Variants in CGRRF1 observed in about 807,000 individuals in gnomAD.
CGRRF1 encodes the protein cell growth regulator with ring finger domain 1, also known as cell growth regulator with RING finger domain protein 1.
Under a neutral mutation model 37.2 loss-of-function variants are expected in CGRRF1, and 32 were observed. The observed-to-expected ratio is 0.86, with a 90% CI of 0.65 to 1.16. The LOEUF is 1.16. Among genes scored for constraint, CGRRF1 ranks in the 50% most tolerant of loss-of-function variants. The probability of loss-of-function intolerance (pLI) is 0.00; values close to 1 mark genes in which losing one functional copy is unlikely to be tolerated. For missense variants in CGRRF1, 391 were observed against 382.6 expected (o/e 1.02, Z -0.18); for synonymous variants, 141 against 140.3 (o/e 1.00, Z -0.04).
chr14:54,529,400 A>G lies in CGRRF1; in HGVS notation c.245-649A>G, dbSNP rs1223379617. Among the ~76,000 whole-genome samples the G allele has an allele frequency of 3.9e-5, 6 of 152,234 alleles. 1 individual carries two copies. The highest frequency in any genetic ancestry group is 1.3e-4 in the Admixed American group (2 of 15,288). On this transcript the variant is annotated intron_variant, in intron 2 of 5. Transcript: ENST00000216420. ...TTTAATCAGGTCTACTCAAATTGTT[A>G]TATCTTCTTAAGTTGAAAGTGAACA...
At chr14:54,517,172 G>A (rs1036826274) in intron 1 of CGRRF1, among the ~76,000 whole-genome samples, 2 of 152,098 alleles carry the variant, frequency 1.3e-5, no homozygotes, top group Non-Finnish European at 2.9e-5. Context: ...CTCATTGTGG[G>A]TACTGTTTTC....
rs1216008176 is a variant in CGRRF1 at position 54,522,572 on chromosome 14, C to A, written c.223C>A (p.Pro75Thr). 1 of 1,580,870 alleles carries A rather than the reference C, an allele frequency of 6.3e-7. No individual in the cohort carries two copies. The highest frequency in any genetic ancestry group is 1.2e-5 in the South Asian group (1 of 84,200). ...KNPFGLEITN[P>T]SSASITTGIT... ...TCCTTTTGGCTTAGAGATCACTAATCCATCTTCAGCTTCAATTACAAGTTG... is the reference window on the plus strand; with the variant it reads ...TCCTTTTGGCTTAGAGATCACTAATACATCTTCAGCTTCAATTACAAGTTG... The change falls in exon 2 of 6, where the codon CCA becomes ACA. Residue 75 changes from proline (P) to threonine (T), a missense_variant. Transcript: ENST00000216420.
intron 1 of CGRRF1, among the ~76,000 whole-genome samples, chr14:54,512,768 T>G (rs1171525575): frequency 6.6e-6 from 1 of 152,236 alleles, no homozygotes; most frequent in Non-Finnish European, 1.5e-5. Context: ...GCTTTCCTAC[T>G]CTGCTAGAAT....
At chr14:54,510,185 C>A in intron 1 of CGRRF1, 122 bp downstream of exon 1, 2 of 702,722 alleles carry the variant, frequency 2.8e-6, no homozygotes, top group Non-Finnish European at 2.5e-6. Flanking sequence ...TTCGGTGTCC[C>A]CGGGTGCCTA....
At chr14:54,526,707 T>C (rs959933556) in intron 2 of CGRRF1, among the ~76,000 whole-genome samples, 5 of 152,242 alleles carry the variant, frequency 3.3e-5, no homozygotes, top group Non-Finnish European at 7.3e-5. Flanking sequence ...AGCTTCCTTA[T>C]ATTTTAGCTT....
intron 1 of CGRRF1, among the ~76,000 whole-genome samples, chr14:54,515,664 T>TTACCA (rs2032203394): frequency 6.6e-6 from 1 of 152,254 alleles, no homozygotes; most frequent in Non-Finnish European, 1.5e-5. Context: ...CACTATGAAA[T>TTACCA]GGACCTCTTT....
At chr14:54,525,698 AT>A (rs1373957977) in intron 2 of CGRRF1, among the ~76,000 whole-genome samples, 1 of 152,200 alleles carries the variant, frequency 6.6e-6, no homozygotes, top group Non-Finnish European at 1.5e-5. Context: ...AAGTTATTTC[AT>A]TTGATGTGTA....
chr14:54,519,667 G>A (rs1465853809), intron 1 of CGRRF1, among the ~76,000 whole-genome samples: 3 of 152,174 alleles, frequency 2.0e-5, no homozygotes, highest in Non-Finnish European at 4.4e-5. Flanking sequence ...GCCTATGCTG[G>A]TCTCCTTAGT....
chr14:54,530,034 CT>C lies in CGRRF1; in HGVS notation c.245-12del, dbSNP rs550567827. ...CATTAAATCACTTTCATTCTTTCTCCTTTGTTTTTTACAGCTGGCATAACCT... is the reference window on the plus strand; with the variant it reads ...CATTAAATCACTTTCATTCTTTCTCCTTGTTTTTTACAGCTGGCATAACCT... On this transcript the variant is annotated splice_polypyrimidine_tract_variant and intron_variant, in intron 2 of 5. Coordinates refer to ENST00000216420, the MANE Select transcript of CGRRF1 (RefSeq NM_006568.3). The C allele has an allele frequency of 3.7e-4, 589 of 1,592,476 alleles. 6 individuals are homozygous for C. The African/African-American group carries it at 6.6e-3, about 18-fold the overall frequency.
intron 1 of CGRRF1, among the ~76,000 whole-genome samples, chr14:54,510,645 T>C (rs1468455247): frequency 6.6e-6 from 1 of 152,226 alleles, no homozygotes; most frequent in East Asian, 1.9e-4. Context: ...ATCATAATTT[T>C]AGAGCTGGAA....
At chr14:54,525,534 A>G (rs1450174531) in intron 2 of CGRRF1, among the ~76,000 whole-genome samples, 2 of 152,236 alleles carry the variant, frequency 1.3e-5, no homozygotes, top group Non-Finnish European at 2.9e-5. Flanking sequence ...ATCATTTATT[A>G]TCTTTCTCCT....
chr14:54,535,185 TTA>T (rs1746655674), intron 4 of CGRRF1, among the ~76,000 whole-genome samples: 1 of 152,208 alleles, frequency 6.6e-6, no homozygotes, highest in Non-Finnish European at 1.5e-5. Context: ...GTCATCTGCT[TTA>T]TAAATTTAAC....
chr14:54,515,910 T>C (rs940884394), intron 1 of CGRRF1, among the ~76,000 whole-genome samples: 4 of 152,214 alleles, frequency 2.6e-5, no homozygotes, highest in African/African-American at 4.8e-5. Context: ...AACATTTACA[T>C]TTAATGTGAT....
At chr14:54,512,279 A>G (rs774079765) in intron 1 of CGRRF1, among the ~76,000 whole-genome samples, 1 of 152,162 alleles carries the variant, frequency 6.6e-6, no homozygotes, top group Non-Finnish European at 1.5e-5. Flanking sequence ...GTGGGAGTGG[A>G]GAAAAAACAG....
intron 4 of CGRRF1, among the ~76,000 whole-genome samples, chr14:54,535,819 C>T (rs996789730): frequency 6.6e-6 from 1 of 152,150 alleles, no homozygotes; most frequent in Non-Finnish European, 1.5e-5. Context: ...GACTTCCTGT[C>T]TCTCCCATTT....
In CGRRF1 at chr14:54,538,238, T is replaced by G. The variant is rs769259436; in HGVS notation, c.854T>G (p.Val285Gly). The G allele has an allele frequency of 6.2e-7, 1 of 1,614,182 alleles. No homozygotes were observed. Among genetic ancestry groups the G allele is most frequent in the South Asian group, 1.1e-5 (1 of 91,086 alleles). ...VVCQNGTVNW[V>G]LLPCRHTCLC... ...TGCCAGAATGGGACTGTGAACTGGG[T>G]ACTCTTACCATGCAGACACACATGC... The change falls in exon 6 of 6, where the codon GTA (valine) becomes GGA (glycine). Residue 285 changes from valine to glycine, a missense_variant. By Grantham distance (109) the Val-to-Gly change is moderately radical. Coordinates refer to ENST00000216420, the MANE Select transcript of CGRRF1 (RefSeq NM_006568.3).
At chr14:54,533,152 G>C (rs901692627) in intron 4 of CGRRF1, among the ~76,000 whole-genome samples, 2 of 151,260 alleles carry the variant, frequency 1.3e-5, no homozygotes, top group Non-Finnish European at 2.9e-5. Flanking sequence ...GTGTATCTGT[G>C]TGGTAAAATA....
In CGRRF1 at chr14:54,538,054, G is replaced by T; in HGVS notation, c.679-9G>T. The T allele has an allele frequency of 1.9e-6, 3 of 1,572,738 alleles. No individual in the cohort carries two copies. The highest frequency in any genetic ancestry group is 2.4e-5 in the South Asian group (2 of 83,620). Reference sequence around the variant, plus strand: ...TAATAATCTTTAAATTTATTTCTTTGATTTTCAGCAACTTTTCATGTCTGC... The same window carrying T: ...TAATAATCTTTAAATTTATTTCTTTTATTTTCAGCAACTTTTCATGTCTGC... On this transcript the variant is annotated splice_polypyrimidine_tract_variant and intron_variant, in intron 5 of 5. Transcript: ENST00000216420.
Position 54,515,305 on chromosome 14 carries a change from G to A in CGRRF1, c.104+5242G>A, listed in dbSNP as rs2032197049. Reference sequence around the variant, plus strand: ...GATGGGGTTTCATCATGTTGGCCAGGATGGTCTCGATCGCTTGACCTCATG... The same window carrying A: ...GATGGGGTTTCATCATGTTGGCCAGAATGGTCTCGATCGCTTGACCTCATG... On this transcript the variant is annotated intron_variant, in intron 1 of 5. Coordinates refer to ENST00000216420, the MANE Select transcript of CGRRF1 (RefSeq NM_006568.3). 2.6e-5 allele frequency among the ~76,000 whole-genome samples: 4 copies of A among 151,854 alleles called. No homozygotes were observed. The South Asian group carries it at 8.3e-4, about 32-fold the overall frequency.
Sources: allele counts gnomAD v4.1 joint callset (sites outside exome capture counted in the v4.1 genomes callset), GRCh38; gene constraint gnomAD v4.1.1; transcripts MANE v1.5; gene names NCBI Gene and HGNC (gene_info 2026-07-23, HGNC 2026-07-21).